Variants in HECW1 observed in about 807,000 individuals in gnomAD.
The protein encoded by HECW1 is HECT, C2 and WW domain containing E3 ubiquitin protein ligase 1.
HECW1 carries 61 observed loss-of-function variants against 182.3 expected under a neutral mutation model. The ratio of observed to expected loss-of-function variants is 0.33; its 90% CI spans 0.27 to 0.41. The LOEUF (loss-of-function observed/expected upper bound fraction) is 0.41. HECW1 is among the 10% of genes least tolerant of loss of function. The probability of loss-of-function intolerance (pLI) is 1.00; values close to 1 mark genes in which losing one functional copy is unlikely to be tolerated. For synonymous variants in HECW1, 859 were observed against 832.6 expected, an observed-to-expected ratio of 1.03 and a Z score of -0.55; for missense variants, 1,739 against 2,108.9, an observed-to-expected ratio of 0.82 and a Z score of 3.44.
Position 43,554,803 on chromosome 7 carries a change from T to C in HECW1, c.4709+13T>C. 1.2e-6 allele frequency: 2 copies of C among 1,610,374 alleles called. No individual in the cohort carries two copies. Among genetic ancestry groups the C allele is most frequent in the Non-Finnish European group, 1.7e-6 (2 of 1,178,012 alleles). On this transcript the variant is annotated intron_variant, in intron 29 of 29. Transcript: ENST00000395891. ...CTTCTCTCCCCAGGTACAGAGCTCC[T>C]GCCAGCCTTCGGGGAAACCTGCTGA...
At chr7:43,381,325 T>G (rs2074541365) in intron 6 of HECW1, among the ~76,000 whole-genome samples, 2 of 152,110 alleles carry the variant, frequency 1.3e-5, no homozygotes, top group East Asian at 3.8e-4. Context: ...TTTTATTTAT[T>G]TATTTACTTC....
intron 8 of HECW1, among the ~76,000 whole-genome samples, chr7:43,424,344 G>C (rs1442343969): frequency 6.6e-6 from 1 of 152,212 alleles, no homozygotes; most frequent in Non-Finnish European, 1.5e-5. Flanking sequence ...AACAGGCCAG[G>C]TGCAGTGGCT....
intron 2 of HECW1, among the ~76,000 whole-genome samples, chr7:43,141,272 G>A (rs191277996): frequency 6.6e-6 from 1 of 152,194 alleles, no homozygotes; most frequent in East Asian, 1.9e-4. Context: ...CCTCACCAGG[G>A]TGCCCACCCC....
chr7:43,255,597 A>T (rs1249977446), intron 3 of HECW1, among the ~76,000 whole-genome samples: 1 of 97,308 alleles, frequency 1.0e-5, no homozygotes, highest in Non-Finnish European at 1.8e-5. Flanking sequence ...AACTCTGTCT[A>T]AAAAAAAAAA....
chr7:43,165,404 G>GC (rs1554297142), intron 2 of HECW1, among the ~76,000 whole-genome samples: 2 of 151,326 alleles, frequency 1.3e-5, no homozygotes, highest in Non-Finnish European at 2.9e-5. Context: ...TGGCGGGGGG[G>GC]GGTGTTTGTG....
intron 24 of HECW1, among the ~76,000 whole-genome samples, chr7:43,524,228 A>C (rs2080662883): frequency 1.3e-5 from 2 of 152,302 alleles, no homozygotes; most frequent in South Asian, 4.1e-4. Flanking sequence ...GAGTCTTTCA[A>C]AGAGTGTGAG....
At chr7:43,353,000 T>A (rs748903438) in intron 5 of HECW1, among the ~76,000 whole-genome samples, 13 of 152,160 alleles carry the variant, frequency 8.5e-5, no homozygotes, top group Non-Finnish European at 1.8e-4. Flanking sequence ...GGTAATAAAC[T>A]GAAGTGAAAC....
intron 17 of HECW1, 56 bp downstream of exon 17, chr7:43,479,800 C>T (rs973552407): frequency 1.9e-6 from 3 of 1,601,344 alleles, no homozygotes; most frequent in African/African-American, 1.3e-5. Context: ...CTGCCTCTTC[C>T]ATGGGAGCAG....
intron 8 of HECW1, among the ~76,000 whole-genome samples, chr7:43,429,747 C>A (rs747593777): frequency 2.6e-5 from 4 of 152,216 alleles, no homozygotes; most frequent in African/African-American, 4.8e-5. Flanking sequence ...ACACAGAAAG[C>A]ACCATGTCCA....
intron 2 of HECW1, among the ~76,000 whole-genome samples, chr7:43,194,927 C>G (rs574963809): frequency 6.6e-4 from 101 of 152,286 alleles, no homozygotes; most frequent in Admixed American, 1.4e-3. Flanking sequence ...CTCCTGACCT[C>G]AGGTAATCCG....
At chr7:43,248,732 C>T (rs1584169438) in intron 3 of HECW1, 2 of 149,582 alleles carry the variant, frequency 1.3e-5, no homozygotes, top group East Asian at 2.0e-4. Context: ...CCTCCTTTTC[C>T]TCCTCCTTCT....
intron 24 of HECW1, among the ~76,000 whole-genome samples, chr7:43,526,573 T>G (rs964504538): frequency 2.0e-5 from 3 of 152,292 alleles, no homozygotes; most frequent in African/African-American, 7.2e-5. Flanking sequence ...GATAATAACA[T>G]TTAAAGGGTC....
At chr7:43,286,149 G>T (rs1804611041) in intron 3 of HECW1, among the ~76,000 whole-genome samples, 1 of 152,188 alleles carries the variant, frequency 6.6e-6, no homozygotes, top group Non-Finnish European at 1.5e-5. Context: ...ACCCTGAGAG[G>T]GTGGATGACT....
intron 2 of HECW1, among the ~76,000 whole-genome samples, chr7:43,215,547 G>T (rs79625512): frequency 0.019 from 2,857 of 152,238 alleles, 105 homozygotes; most frequent in African/African-American, 0.066. Flanking sequence ...AATGGTTAAG[G>T]TATTTTTAAA....
chr7:43,292,958 G>C, intron 3 of HECW1, among the ~76,000 whole-genome samples: 1 of 152,086 alleles, frequency 6.6e-6, no homozygotes, highest in Middle Eastern at 3.4e-3. Context: ...ATGAAAGTAC[G>C]TCACACCTGT....
At chr7:43,274,560 A>C in intron 3 of HECW1, 1 of 526,136 alleles carries the variant, frequency 1.9e-6, no homozygotes. Flanking sequence ...TTCACCACCA[A>C]GAGGCCCAAC....
At chr7:43,225,870 G>A (rs1042206566) in intron 2 of HECW1, among the ~76,000 whole-genome samples, 7 of 151,834 alleles carry the variant, frequency 4.6e-5, no homozygotes, top group African/African-American at 1.2e-4. Flanking sequence ...CTGCAGCTTC[G>A]ACTGATCATC....
chr7:43,398,262 A>C (rs2075296031), intron 7 of HECW1, among the ~76,000 whole-genome samples: 1 of 152,216 alleles, frequency 6.6e-6, no homozygotes, highest in Non-Finnish European at 1.5e-5. Flanking sequence ...ATCTCAAAAA[A>C]AATGAAATAA....
chr7:43,457,200 T>A (rs1489653839), intron 13 of HECW1, among the ~76,000 whole-genome samples: 1 of 152,202 alleles, frequency 6.6e-6, no homozygotes, highest in East Asian at 1.9e-4. Context: ...GTATAAAGCA[T>A]TGTCTCTGAC....
Sources: gnomAD v4.1 joint callset for allele counts (sites outside exome capture counted in the v4.1 genomes callset) on GRCh38, gnomAD v4.1.1 for gene constraint, MANE v1.5 for transcripts, NCBI Gene and HGNC (gene_info 2026-07-23, HGNC 2026-07-21) for gene names.